Variants in DIPK1C observed in about 807,000 individuals in gnomAD.
The protein encoded by DIPK1C is divergent protein kinase domain 1C, also known as familial non-conventional Alzheimer's dementia.
Under a neutral mutation model 28.0 loss-of-function variants are expected in DIPK1C, and 33 were observed. That is an observed-to-expected ratio of 1.18 (90% CI 0.89 to 1.58). The LOEUF is 1.58. Ranked by LOEUF, DIPK1C falls within the 40% of genes most tolerant of loss-of-function variation. The pLI is 0.00. For missense variants in DIPK1C, 569 were observed against 568.5 expected (o/e 1.00, Z -0.01); for synonymous variants, 255 against 248.8 (o/e 1.02, Z -0.23).
At chr18:74,441,899 A>G (rs1986133340) in intron 3 of DIPK1C, 53 bp downstream of exon 3, 2 of 1,577,042 alleles carry the variant, frequency 1.3e-6, no homozygotes, top group South Asian at 1.2e-5. Context: ...GCTAGCGGGC[A>G]GAAACAGCCA....
At chr18:74,439,881 A>G (rs894870578) in intron 3 of DIPK1C, among the ~76,000 whole-genome samples, 1 of 152,138 alleles carries the variant, frequency 6.6e-6, no homozygotes, top group Non-Finnish European at 1.5e-5. Flanking sequence ...AGATAAAGAA[A>G]ATTGTAATCC....
At chr18:74,448,723 G>A (rs1986330648) in intron 1 of DIPK1C, among the ~76,000 whole-genome samples, 1 of 152,180 alleles carries the variant, frequency 6.6e-6, no homozygotes, top group South Asian at 2.1e-4. Flanking sequence ...CCTCGCAGGT[G>A]GCTAGGTAGA....
chr18:74,452,777 C>T (rs1055491736), intron 1 of DIPK1C, among the ~76,000 whole-genome samples: 5 of 152,076 alleles, frequency 3.3e-5, no homozygotes, highest in African/African-American at 1.2e-4. Flanking sequence ...TTATTAGCAG[C>T]ATGTCCTGTT....
chr18:74,447,972 GC>G lies in DIPK1C; in HGVS notation c.199-690del, dbSNP rs775432401. On this transcript the variant is annotated intron_variant, in intron 1 of 3. Coordinates refer to ENST00000343998, the MANE Select transcript of DIPK1C (RefSeq NM_001044369.3). This position sits in a 1 kb window ranked among gnomAD's most constrained non-coding sequence, Gnocchi z 4.1. Reference sequence around the variant, plus strand: ...CAGGATAAAAGAGTAGGGAGTGTTTGCATCTGAGCGGCGGTGAGCAAGGCTG... The same window carrying G: ...CAGGATAAAAGAGTAGGGAGTGTTTGATCTGAGCGGCGGTGAGCAAGGCTG... 4.6e-5 allele frequency among the ~76,000 whole-genome samples: 7 copies of G among 152,132 alleles called. No homozygotes were observed. Among genetic ancestry groups the G allele is most frequent in the Non-Finnish European group, 8.8e-5 (6 of 68,030 alleles).
intron 2 of DIPK1C, among the ~76,000 whole-genome samples, chr18:74,444,460 G>C (rs779252676): frequency 6.6e-5 from 10 of 152,172 alleles, no homozygotes; most frequent in Non-Finnish European, 1.5e-4. Flanking sequence ...CCCACCCGCC[G>C]GGACTCTGAG....
At chr18:74,450,749 G>A (rs1240822929) in intron 1 of DIPK1C, among the ~76,000 whole-genome samples, 3 of 152,232 alleles carry the variant, frequency 2.0e-5, no homozygotes, top group Non-Finnish European at 1.5e-5. Context: ...GAGCCTGGAT[G>A]GGCCACCATC....
At chr18:74,455,918 C>A (rs1167827836) in intron 1 of DIPK1C, among the ~76,000 whole-genome samples, 1 of 152,114 alleles carries the variant, frequency 6.6e-6, no homozygotes, top group Non-Finnish European at 1.5e-5. Context: ...ATACCTGGCT[C>A]ATTTTTTTAA....
chr18:74,447,124 C>A lies in DIPK1C; in HGVS notation c.358G>T (p.Glu120Ter), dbSNP rs1986288142. The A allele has an allele frequency of 5.8e-6, 9 of 1,550,452 alleles. No homozygotes were observed. Among genetic ancestry groups the A allele is most frequent in the Non-Finnish European group, 7.8e-6 (9 of 1,146,992 alleles). Residue 120 changes from glutamate to a stop codon, truncating the protein, a stop_gained, in exon 2 of 4, where the codon GAG becomes TAG. Transcript: ENST00000343998. LOFTEE classifies it high-confidence loss of function. The surrounding 1 kb of genome is among the most constrained non-coding windows in gnomAD (Gnocchi z 4.1). Reference sequence around the variant, plus strand: ...AGGGGCGGGAAGCTGGAGAAGGCCTCCTCCTTGGACTTGAGGACCACGGGC... The same window carrying A: ...AGGGGCGGGAAGCTGGAGAAGGCCTACTCCTTGGACTTGAGGACCACGGGC... Reference protein sequence around the residue: ...GRPVVLKSKEEAFSSFPPLSL... With the variant: ...GRPVVLKSKE
chr18:74,436,521 G>C lies in DIPK1C; in HGVS notation c.1240C>G (p.Leu414Val), dbSNP rs200137210. 76 of 1,606,706 alleles carry C rather than the reference G, an allele frequency of 4.7e-5. No individual in the cohort carries two copies. The African/African-American group carries it at 7.9e-4, about 17-fold the overall frequency. The change falls in exon 4 of 4, where the codon CTG (leucine) becomes GTG (valine). Residue 414 changes from leucine (L) to valine (V), a missense_variant. Transcript: ENST00000343998. ...RQLLQATLRE[L>V]QEAEK ...AGTGGCTACTTCTCTGCCTCCTGCA[G>C]CTCCCTCAGTGTGGCTTGGAGGAGT...
the DIPK1C span, among the ~76,000 whole-genome samples, chr18:74,463,197 G>A: frequency 6.6e-6 from 1 of 152,134 alleles, no homozygotes; most frequent in African/African-American, 2.4e-5. Context: ...ATGAAGGCCT[G>A]GGAAGTGGAA....
At chr18:74,440,603 G>T (rs1345540205) in intron 3 of DIPK1C, among the ~76,000 whole-genome samples, 1 of 152,168 alleles carries the variant, frequency 6.6e-6, no homozygotes, top group Non-Finnish European at 1.5e-5. Context: ...TGGCCATTTG[G>T]ATTTCATTGG....
At position 74,436,697 on chromosome 18, in the gene DIPK1C, C is replaced by T. The variant is rs371974579; in HGVS notation, c.1064G>A (p.Arg355His). ...NLQVICDKIF[R>H]HWFSAPLKSS... The stretch of plus-strand genomic sequence containing the variant: ...CTTGAGAGGCGCGGAAAACCAATGG[C>T]GAAATATTTTGTCACAGATGACCTG... The change falls in exon 4 of 4, where the codon CGC becomes CAC. Residue 355 changes from arginine to histidine, a missense_variant. Coordinates refer to ENST00000343998, the MANE Select transcript of DIPK1C (RefSeq NM_001044369.3). The T allele has an allele frequency of 7.4e-6, 12 of 1,613,024 alleles. No individual in the cohort carries two copies. Among genetic ancestry groups the T allele is most frequent in the Middle Eastern group, 1.7e-4 (1 of 6,022 alleles).
At chr18:74,445,644 G>A (rs566426735) in intron 2 of DIPK1C, among the ~76,000 whole-genome samples, 1 of 152,264 alleles carries the variant, frequency 6.6e-6, no homozygotes, top group African/African-American at 2.4e-5. Context: ...ACCCCACCAT[G>A]AGCCAGGCTC....
rs373454541 is a variant in DIPK1C, at chr18:74,442,533, G to T, written c.877-417C>A. 9.5e-4 allele frequency among the ~76,000 whole-genome samples: 144 copies of T among 152,252 alleles called. 1 individual carries two copies. The South Asian group carries it at 0.023, about 25-fold the overall frequency. On this transcript the variant is annotated intron_variant, in intron 2 of 3. Transcript: ENST00000343998. Reference sequence around the variant, plus strand: ...TTTAGTAGAGACGGGGTTTCACCGTGTTAGCCAGGATGGTCTCGATCTCCT... The same window carrying T: ...TTTAGTAGAGACGGGGTTTCACCGTTTTAGCCAGGATGGTCTCGATCTCCT...
At position 74,440,444 on chromosome 18, in the gene DIPK1C, A is replaced by G. The variant is rs1044557895; in HGVS notation, c.1041+1508T>C. Among the ~76,000 whole-genome samples, 36 of 152,234 alleles carry G rather than the reference A, an allele frequency of 2.4e-4. 1 individual carries two copies. Among genetic ancestry groups the G allele is most frequent in the Non-Finnish European group, 1.0e-4 (7 of 68,048 alleles). ...GTAATTCATTACAATCACGTTAACAATATAGACACTTTTCTATTTCCCTGA... is the reference window on the plus strand; with the variant it reads ...GTAATTCATTACAATCACGTTAACAGTATAGACACTTTTCTATTTCCCTGA... On this transcript the variant is annotated intron_variant, in intron 3 of 3. Coordinates refer to ENST00000343998, the MANE Select transcript of DIPK1C (RefSeq NM_001044369.3).
chr18:74,442,177 C>G (rs762452414), intron 2 of DIPK1C, 61 bp from the exon 3 acceptor site: 24 of 1,591,890 alleles, frequency 1.5e-5, no homozygotes, highest in Non-Finnish European at 1.9e-5. Context: ...AGAGAGGGAG[C>G]CTGTTCACAA....
chr18:74,452,550 C>T (rs1026094173), intron 1 of DIPK1C, among the ~76,000 whole-genome samples: 5 of 151,608 alleles, frequency 3.3e-5, no homozygotes, highest in Admixed American at 3.3e-4. Flanking sequence ...TCAAGACCAG[C>T]CTGGGTGGGC....
chr18:74,458,141 A>C (rs1416079614), upstream of DIPK1C, among the ~76,000 whole-genome samples: 1 of 152,138 alleles, frequency 6.6e-6, no homozygotes, highest in Non-Finnish European at 1.5e-5. Context: ...GGTTCTCACC[A>C]GCATCCCCCA....
At chr18:74,455,725 T>TAAA (rs112246757) in intron 1 of DIPK1C, among the ~76,000 whole-genome samples, 57,472 of 114,760 alleles carry the variant, frequency 0.5, 14,697 homozygotes, top group East Asian at 0.77. Flanking sequence ...CAAAACTCCA[T>TAAA]AAAAAAAAAA....
Sources: gnomAD v4.1 joint callset for allele counts (sites outside exome capture counted in the v4.1 genomes callset) on GRCh38, gnomAD v4.1.1 for gene constraint, Gnocchi (gnomAD v3.1) non-coding constraint, MANE v1.5 for transcripts, NCBI Gene and HGNC (gene_info 2026-07-23, HGNC 2026-07-21) for gene names.